Variants in MACROD2 observed in about 807,000 individuals in gnomAD.
The protein encoded by MACROD2 is mono-ADP ribosylhydrolase 2, also known as ADP-ribose glycohydrolase MACROD2.
MACROD2 carries 36 observed loss-of-function variants against 70.4 expected under a neutral mutation model. The ratio of observed to expected loss-of-function variants is 0.51; its 90% CI spans 0.39 to 0.68. The LOEUF (loss-of-function observed/expected upper bound fraction) is 0.68. Among genes scored for constraint, MACROD2 ranks in the 30% least tolerant of loss-of-function variants. The probability of loss-of-function intolerance (pLI) is 0.00; values close to 1 mark genes in which losing one functional copy is unlikely to be tolerated. For missense variants in MACROD2, 496 were observed against 538.4 expected, an observed-to-expected ratio of 0.92 and a Z score of 0.78; for synonymous variants, 172 against 178.8, an observed-to-expected ratio of 0.96 and a Z score of 0.30.
chr20:15,227,840 T>TC (rs1290836564), intron 5 of MACROD2, among the ~76,000 whole-genome samples: 1 of 145,738 alleles, frequency 6.9e-6, no homozygotes, highest in South Asian at 2.2e-4. Context: ...TTTTTTTTTT[T>TC]TTTTTTTTTC....
chr20:14,650,040 A>G (rs1023902454), intron 4 of MACROD2, among the ~76,000 whole-genome samples: 1 of 152,170 alleles, frequency 6.6e-6, no homozygotes, highest in Non-Finnish European at 1.5e-5. Context: ...TCAGAATGGG[A>G]GCAGGAGGCA....
intron 4 of MACROD2, among the ~76,000 whole-genome samples, chr20:14,539,451 A>G (rs2085404718): frequency 6.6e-6 from 1 of 151,866 alleles, no homozygotes. Context: ...GTGTTGGGGG[A>G]GTGAGGGAAG....
chr20:15,320,841 A>C (rs2077866643), intron 6 of MACROD2, among the ~76,000 whole-genome samples: 1 of 152,182 alleles, frequency 6.6e-6, no homozygotes, highest in South Asian at 2.1e-4. Flanking sequence ...ATAATGGAAT[A>C]CATCACTTCT....
chr20:14,045,603 A>G (rs2053461401), intron 2 of MACROD2, among the ~76,000 whole-genome samples: 1 of 152,208 alleles, frequency 6.6e-6, no homozygotes, highest in African/African-American at 2.4e-5. Flanking sequence ...ATAGAGTCTA[A>G]ATGAAGTGCT....
chr20:15,932,238 G>T (rs1298212072), intron 10 of MACROD2, among the ~76,000 whole-genome samples: 1 of 152,086 alleles, frequency 6.6e-6, no homozygotes, highest in Non-Finnish European at 1.5e-5. Context: ...CCTCCATTTG[G>T]CAGGCCAGCT....
chr20:15,937,621 G>T (rs2065685479), intron 12 of MACROD2, 77 bp downstream of exon 12: 3 of 1,332,900 alleles, frequency 2.3e-6, no homozygotes, highest in Non-Finnish European at 3.2e-6. Context: ...ATGGAAAAAT[G>T]AAGCAGCAAG....
chr20:15,149,304 T>A (rs1250894972), intron 5 of MACROD2, among the ~76,000 whole-genome samples: 1 of 152,066 alleles, frequency 6.6e-6, no homozygotes, highest in Non-Finnish European at 1.5e-5. Flanking sequence ...TAGTGGCTTG[T>A]ACTATAGCAT....
At chr20:16,031,392 A>T (rs2067149903) in intron 15 of MACROD2, among the ~76,000 whole-genome samples, 1 of 152,140 alleles carries the variant, frequency 6.6e-6, no homozygotes, top group Non-Finnish European at 1.5e-5. Context: ...GATCTGATTG[A>T]TCTGACCTTT....
intron 8 of MACROD2, among the ~76,000 whole-genome samples, chr20:15,772,094 AAAAAAAAATATAT>A (rs2051639928): frequency 9.9e-6 from 1 of 101,434 alleles, no homozygotes; most frequent in South Asian, 4.4e-4. Flanking sequence ...CAAAAAAAAA[AAAAAAAAATATAT>A]ATATATATAT....
intron 8 of MACROD2, among the ~76,000 whole-genome samples, chr20:15,784,136 G>A (rs1005333543): frequency 2.0e-5 from 3 of 152,032 alleles, no homozygotes; most frequent in African/African-American, 7.2e-5. Flanking sequence ...AAAATTATAG[G>A]GGATTAAGTG....
rs111993813 is a variant in MACROD2 at position 14,984,499 on chromosome 20, G to A, written c.419-245441G>A. Among the ~76,000 whole-genome samples the A allele has an allele frequency of 7.0e-3, 1,059 of 152,134 alleles. 16 individuals carry two copies. The highest frequency in any genetic ancestry group is 0.024 in the African/African-American group (1,003 of 41,508). On this transcript the variant is annotated intron_variant, in intron 5 of 17. Coordinates refer to ENST00000684519, the MANE Select transcript of MACROD2 (RefSeq NM_001351661.2). ...GCTCTTTTTTCCTTTCCTTTTATTG[G>A]TAACTTGTAATCAGCTGCTACTTTA...
chr20:15,422,152 T>A (rs1252776374), intron 6 of MACROD2, among the ~76,000 whole-genome samples: 2 of 152,148 alleles, frequency 1.3e-5, no homozygotes, highest in Admixed American at 1.3e-4. Flanking sequence ...AGGTTATGGT[T>A]GTGATTTTGA....
At chr20:14,229,606 G>A (rs1407232054) in intron 3 of MACROD2, among the ~76,000 whole-genome samples, 1 of 152,200 alleles carries the variant, frequency 6.6e-6, no homozygotes, top group Non-Finnish European at 1.5e-5. Flanking sequence ...TTCATTGCTG[G>A]TGGGAATGCA....
intron 5 of MACROD2, among the ~76,000 whole-genome samples, chr20:15,151,729 G>A (rs2076271270): frequency 6.6e-6 from 1 of 151,996 alleles, no homozygotes; most frequent in African/African-American, 2.4e-5. Flanking sequence ...CATTAACCTT[G>A]ACTATGTCTT....
At chr20:15,064,605 A>G (rs1428538731) in intron 5 of MACROD2, among the ~76,000 whole-genome samples, 1 of 152,178 alleles carries the variant, frequency 6.6e-6, no homozygotes, top group Admixed American at 6.5e-5. Flanking sequence ...CCATTTCCTA[A>G]ACATTTTAAT....
At chr20:14,713,237 A>C (rs1036695091) in intron 5 of MACROD2, among the ~76,000 whole-genome samples, 1 of 152,164 alleles carries the variant, frequency 6.6e-6, no homozygotes, top group Non-Finnish European at 1.5e-5. Context: ...ACAGCTTGCC[A>C]GGTGCTCACT....
intron 6 of MACROD2, among the ~76,000 whole-genome samples, chr20:15,346,305 G>A (rs2078165485): frequency 6.6e-6 from 1 of 152,120 alleles, no homozygotes; most frequent in Non-Finnish European, 1.5e-5. Flanking sequence ...TGGAAAGACT[G>A]TTAAGAAGGA....
intron 3 of MACROD2, among the ~76,000 whole-genome samples, chr20:14,209,518 T>A (rs1340895593): frequency 6.6e-6 from 1 of 152,086 alleles, no homozygotes; most frequent in Non-Finnish European, 1.5e-5. Context: ...TTAATTAGGG[T>A]AATACTAGCC....
At chr20:14,051,144 AAG>A (rs1457190899) in intron 2 of MACROD2, among the ~76,000 whole-genome samples, 1 of 152,230 alleles carries the variant, frequency 6.6e-6, no homozygotes, top group African/African-American at 2.4e-5. Flanking sequence ...GTGTACAAGA[AAG>A]AGTGAAAGGA....
Sources: allele counts gnomAD v4.1 joint callset (sites outside exome capture counted in the v4.1 genomes callset), GRCh38; gene constraint gnomAD v4.1.1; transcripts MANE v1.5; gene names NCBI Gene and HGNC (gene_info 2026-07-23, HGNC 2026-07-21).